Variants in DAB1 observed in about 807,000 individuals in gnomAD.
The protein encoded by DAB1 is disabled homolog 1.
A neutral mutation model predicts 64.6 loss-of-function variants in DAB1; 15 were observed. That is an observed-to-expected ratio of 0.23 (90% CI 0.16 to 0.36). The LOEUF is 0.36. Among genes scored for constraint, DAB1 ranks in the 10% least tolerant of loss-of-function variants. The probability of loss-of-function intolerance (pLI) is 1.00; values close to 1 mark genes in which losing one functional copy is unlikely to be tolerated. For synonymous variants in DAB1, 235 were observed against 251.9 expected, an observed-to-expected ratio of 0.93 and a Z score of 0.64; for missense variants, 596 against 706.7, an observed-to-expected ratio of 0.84 and a Z score of 1.78.
chr1:57,247,786 T>C (rs963125723), intron 2 of DAB1, among the ~76,000 whole-genome samples: 2 of 152,170 alleles, frequency 1.3e-5, no homozygotes, highest in East Asian at 1.9e-4. Context: ...AAAGACCACT[T>C]ATATGGATGC....
At chr1:58,248,874 A>C (rs1245800524) in intron 4 of DAB1, among the ~76,000 whole-genome samples, 3 of 152,096 alleles carry the variant, frequency 2.0e-5, no homozygotes, top group South Asian at 4.1e-4. Context: ...CCATTTAATA[A>C]CCACTGTATT....
intron 3 of DAB1, chr1:58,505,957 G>A: frequency 1.6e-6 from 1 of 633,574 alleles, no homozygotes; most frequent in Non-Finnish European, 2.7e-6. Context: ...AATCAAAATA[G>A]TTAATAGGCT....
At chr1:57,247,499 C>A (rs1332741229) in intron 2 of DAB1, among the ~76,000 whole-genome samples, 1 of 152,178 alleles carries the variant, frequency 6.6e-6, no homozygotes, top group African/African-American at 2.4e-5. Context: ...ATCACCCACT[C>A]TCATTTAGTT....
chr1:57,374,077 T>C (rs2100944790), intron 1 of DAB1, among the ~76,000 whole-genome samples: 1 of 152,320 alleles, frequency 6.6e-6, no homozygotes, highest in East Asian at 1.9e-4. Flanking sequence ...AATTTGAATC[T>C]GCTGACACAG....
intron 9 of DAB1, among the ~76,000 whole-genome samples, chr1:57,051,894 C>G (rs972650414): frequency 1.3e-5 from 2 of 152,054 alleles, no homozygotes; most frequent in African/African-American, 4.8e-5. Context: ...GAACATGAGG[C>G]TGAGTATTAA....
chr1:58,130,840 T>A (rs1181991484), intron 5 of DAB1, among the ~76,000 whole-genome samples: 1 of 152,206 alleles, frequency 6.6e-6, no homozygotes, highest in African/African-American at 2.4e-5. Context: ...GTTAGTCTGA[T>A]GGGCTTCCCT....
intron 6 of DAB1, among the ~76,000 whole-genome samples, chr1:57,799,565 A>G (rs1186682435): frequency 5.0e-5 from 6 of 121,118 alleles, no homozygotes; most frequent in Admixed American, 3.2e-4. Flanking sequence ...GAGATGAGAA[A>G]AAAAAAAAAA....
At chr1:57,250,530 C>T (rs536520021) in intron 2 of DAB1, among the ~76,000 whole-genome samples, 5 of 152,276 alleles carry the variant, frequency 3.3e-5, no homozygotes, top group African/African-American at 9.6e-5. Context: ...TCTTTAGAGA[C>T]ATTCCTATTG....
intron 6 of DAB1, among the ~76,000 whole-genome samples, chr1:57,770,643 A>C (rs1250085530): frequency 6.6e-6 from 1 of 152,210 alleles, no homozygotes; most frequent in African/African-American, 2.4e-5. Context: ...GGATAACTCA[A>C]AAATCAGTTC....
At chr1:57,393,313 G>A (rs951353042) in intron 1 of DAB1, among the ~76,000 whole-genome samples, 8 of 152,206 alleles carry the variant, frequency 5.3e-5, no homozygotes, top group Admixed American at 2.0e-4. Flanking sequence ...AATAATTTTT[G>A]GTTTTTTCAC....
At chr1:57,753,366 T>A (rs901314261) in intron 6 of DAB1, among the ~76,000 whole-genome samples, 6 of 152,168 alleles carry the variant, frequency 3.9e-5, no homozygotes, top group Non-Finnish European at 5.9e-5. Context: ...CTTCTGGCAG[T>A]GAGCTTGGCT....
rs982203932 is a variant in DAB1 at position 57,658,044 on chromosome 1, G to A, written n.552-8379C>T. On this transcript the variant is annotated intron_variant and non_coding_transcript_variant, in intron 6 of 20. Transcript: ENST00000485760. ...TTCTAGACCTTGGTGACATACTAGTGTTCATGGTCAAATGAGTACAGAGAA... is the reference window on the plus strand; with the variant it reads ...TTCTAGACCTTGGTGACATACTAGTATTCATGGTCAAATGAGTACAGAGAA... Among the ~76,000 whole-genome samples, 11 of 152,202 alleles carry A rather than the reference G, an allele frequency of 7.2e-5. No homozygotes were observed. In the South Asian group the frequency reaches 2.1e-3, roughly 29 times the overall value.
At chr1:57,748,079 T>C (rs1648371820) in intron 6 of DAB1, among the ~76,000 whole-genome samples, 1 of 152,078 alleles carries the variant, frequency 6.6e-6, no homozygotes, top group Non-Finnish European at 1.5e-5. Flanking sequence ...TTTACAGAGA[T>C]TTTACTCCTA....
chr1:58,421,964 C>G (rs1398686379), intron 3 of DAB1, among the ~76,000 whole-genome samples: 1 of 151,818 alleles, frequency 6.6e-6, no homozygotes, highest in Admixed American at 6.6e-5. Context: ...TCTCTAGACC[C>G]CTGTTTTCTC....
chr1:57,888,427 A>G (rs892302491), upstream of DAB1, among the ~76,000 whole-genome samples: 2 of 152,120 alleles, frequency 1.3e-5, no homozygotes, highest in Non-Finnish European at 2.9e-5. Context: ...GGCACCTTCC[A>G]TTGTGGAAGT....
intron 1 of DAB1, among the ~76,000 whole-genome samples, chr1:57,367,329 G>T (rs748503918): frequency 6.6e-6 from 1 of 151,862 alleles, no homozygotes; most frequent in Non-Finnish European, 1.5e-5. Flanking sequence ...GTAAGAGTTC[G>T]GAAGTCTGAA....
At chr1:57,209,262 A>G (rs1381076774) in intron 2 of DAB1, among the ~76,000 whole-genome samples, 1 of 152,238 alleles carries the variant, frequency 6.6e-6, no homozygotes, top group Non-Finnish European at 1.5e-5. Flanking sequence ...TCATTCTAAC[A>G]GCATTTATGA....
chr1:57,115,784 C>A (rs992381121), intron 4 of DAB1, among the ~76,000 whole-genome samples: 3 of 152,096 alleles, frequency 2.0e-5, no homozygotes, highest in Non-Finnish European at 4.4e-5. Flanking sequence ...CTTGTGGAAG[C>A]CCTGGCTGTG....
intron 3 of DAB1, among the ~76,000 whole-genome samples, chr1:58,388,661 C>T (rs978497930): frequency 6.6e-6 from 1 of 152,176 alleles, no homozygotes; most frequent in Non-Finnish European, 1.5e-5. Context: ...TTAGTTAAGC[C>T]GCTGTGGTCA....
Sources: gnomAD v4.1 joint callset for allele counts (sites outside exome capture counted in the v4.1 genomes callset) on GRCh38, gnomAD v4.1.1 for gene constraint, MANE v1.5 for transcripts, NCBI Gene and HGNC (gene_info 2026-07-23, HGNC 2026-07-21) for gene names.